The following KLK3 variants were observed in gnomAD, a reference collection of about 807,000 sequenced individuals.
KLK3 encodes the protein kallikrein related peptidase 3.
In KLK3, 23 loss-of-function variants were observed where a neutral mutation model predicts 27.7. The ratio of observed to expected loss-of-function variants is 0.83; its 90% confidence interval spans 0.60 to 1.17. KLK3 has a LOEUF of 1.17. KLK3 is among the 50% of genes most tolerant of loss of function. The pLI, the probability that KLK3 is intolerant of heterozygous loss-of-function variation, is 0.00. For missense variants in KLK3, 322 were observed against 338.1 expected, an observed-to-expected ratio of 0.95 and a Z score of 0.37; for synonymous variants, 142 against 134.2, an observed-to-expected ratio of 1.06 and a Z score of -0.40.
chr19:50,856,831 G>A (rs1061476), intron 2 of KLK3: 68,301 of 163,332 alleles, frequency 0.42, 15,507 homozygotes, highest in East Asian at 0.5. Context: ...TCCCTACTGA[G>A]CACACGCATG....
chr19:50,857,971 C>T (rs536057596), intron 2 of KLK3, 58 bp from the exon 3 acceptor site: 2 of 1,529,644 alleles, frequency 1.3e-6, no homozygotes, highest in African/African-American at 2.7e-5. Flanking sequence ...GCTCCTCTGT[C>T]CCTTCTCTCT....
At chr19:50,858,680 C>A in intron 4 of KLK3, 85 bp downstream of exon 4, 3 of 1,510,438 alleles carry the variant, frequency 2.0e-6, no homozygotes, top group South Asian at 1.2e-5. Flanking sequence ...GCCAACAAGG[C>A]GTCTGCCTCC....
intron 4 of KLK3, 177 bp from the exon 5 acceptor site, chr19:50,859,795 C>A: frequency 6.8e-7 from 1 of 1,466,864 alleles, no homozygotes. Flanking sequence ...GAGCCCCTAC[C>A]CCTCTGTTGG....
intron 4 of KLK3, chr19:50,859,386 C>A: frequency 1.6e-6 from 1 of 616,366 alleles, no homozygotes; most frequent in South Asian, 1.8e-5. Context: ...GGAGGGAGGG[C>A]AGCAGGGATG....
At position 50,856,253 on chromosome 19, in the gene KLK3, C is replaced by T; in HGVS notation, c.60C>T (p.Leu20=). 1.2e-6 allele frequency: 2 copies of T among 1,612,522 alleles called. No homozygotes were observed. The highest frequency in any genetic ancestry group is 1.7e-6 in the Non-Finnish European group (2 of 1,179,786). The change falls in exon 2 of 5, where the codon CTC becomes CTT. Residue 20 remains leucine (L), a synonymous_variant. Coordinates refer to ENST00000326003, the MANE Select transcript of KLK3 (RefSeq NM_001648.2). ...LSVTWIGAAP[L]ILSRIVGGWE... ...CCCCCTCTGCAGGTGCTGCACCCCT[C>T]ATCCTGTCTCGGATTGTGGGAGGCT... is the stretch of plus-strand genomic sequence containing the variant.
rs760447886 is a variant in KLK3 at position 50,858,422 on chromosome 19, G to A, written c.494-37G>A. 1.9e-6 allele frequency: 3 copies of A among 1,613,090 alleles called. No individual in the cohort carries two copies. The South Asian group carries it at 3.3e-5, about 18-fold the overall frequency. ...GGAGGAGGGCCAAGGAACCAGGTGG[G>A]GTCCAGCCCACAACAGTGTTTTTGC... On this transcript the variant is annotated intron_variant, in intron 3 of 4. Transcript: ENST00000326003.
chr19:50,856,118 T>C, intron 1 of KLK3, 122 bp from the exon 2 acceptor site: 1 of 814,534 alleles, frequency 1.2e-6, no homozygotes, highest in Admixed American at 2.3e-5. Flanking sequence ...GTCCCAGGAC[T>C]CCCAGCCTTG....
At position 50,854,936 on chromosome 19, in the gene KLK3, AC is replaced by A; in HGVS notation, c.-17del. 1 of 1,613,448 alleles carries A rather than the reference AC, an allele frequency of 6.2e-7. No homozygotes were observed. The highest frequency in any genetic ancestry group is 8.5e-7 in the Non-Finnish European group (1 of 1,179,766). On this transcript the variant is annotated 5_prime_UTR_variant, in exon 1 of 5. Coordinates refer to ENST00000326003, the MANE Select transcript of KLK3 (RefSeq NM_001648.2). The stretch of plus-strand genomic sequence containing the variant: ...CCCCAGCCCCAAGCTTACCACCTGC[AC>A]CCGGAGAGCTGTGTCACCATGTGGG...
chr19:50,858,638 T>C lies in KLK3; in HGVS notation c.630+43T>C, dbSNP rs2090164971. 3 of 1,610,618 alleles carry C rather than the reference T, an allele frequency of 1.9e-6. No individual in the cohort carries two copies. The African/African-American group carries it at 4.0e-5, about 22-fold the overall frequency. ...CCAAGATCTTGAGGGGAAAGGTGAGTGGGGACCTTAATTCTGGGCTGGGGT... is the reference window on the plus strand; with the variant it reads ...CCAAGATCTTGAGGGGAAAGGTGAGCGGGGACCTTAATTCTGGGCTGGGGT... On this transcript the variant is annotated intron_variant, in intron 4 of 4. Transcript: ENST00000326003.
At chr19:50,857,204 G>GAAA (rs2090155600) in intron 2 of KLK3, among the ~76,000 whole-genome samples, 48 of 145,692 alleles carry the variant, frequency 3.3e-4, no homozygotes, top group African/African-American at 1.2e-3. Context: ...GAAAAGAAAA[G>GAAA]GAAGTGTTTT....
Position 50,859,895 on chromosome 19 carries a change from C to A in KLK3, c.631-77C>A, listed in dbSNP as rs2090173818. 5.2e-6 allele frequency: 8 copies of A among 1,537,752 alleles called. No individual in the cohort carries two copies. The South Asian group carries it at 1.0e-4, about 19-fold the overall frequency. ...GAACTGCTATCTGTTATCTGCCTGT[C>A]CAGGTCTGAAAGATAGGATTGCCCA... On this transcript the variant is annotated intron_variant, in intron 4 of 4. Coordinates refer to ENST00000326003, the MANE Select transcript of KLK3 (RefSeq NM_001648.2).
At chr19:50,857,805 CT>C in intron 2 of KLK3, 11 of 542,880 alleles carry the variant, frequency 2.0e-5, no homozygotes, top group East Asian at 3.1e-5. Flanking sequence ...TACCCTCTTC[CT>C]TTTTCCCTTG....
At chr19:50,857,219 C>T (rs2090155720) in intron 2 of KLK3, among the ~76,000 whole-genome samples, 1 of 149,912 alleles carries the variant, frequency 6.7e-6, no homozygotes, top group African/African-American at 2.4e-5. Flanking sequence ...TGTTTTATCC[C>T]TGATGTGTGT....
At chr19:50,859,556 C>A (rs1333410623) in intron 4 of KLK3, 4 of 1,613,556 alleles carry the variant, frequency 2.5e-6, no homozygotes, top group Non-Finnish European at 3.4e-6. Flanking sequence ...CCGAACTGAC[C>A]ATGCCAGCCC....
chr19:50,859,622 G>T, intron 4 of KLK3: 2 of 1,613,176 alleles, frequency 1.2e-6, no homozygotes, highest in Non-Finnish European at 1.7e-6. Context: ...TCTAGTCAGA[G>T]AGTAGTCCTG....
chr19:50,858,974 T>G, intron 4 of KLK3: 1 of 374,522 alleles, frequency 2.7e-6, no homozygotes, highest in Non-Finnish European at 4.8e-6. Flanking sequence ...CTGGAGGGTG[T>G]CAGGAGGTGA....
Position 50,859,571 on chromosome 19 carries a change from G to A in KLK3, c.631-401G>A, listed in dbSNP as rs371037518. 83 of 1,613,816 alleles carry A rather than the reference G, an allele frequency of 5.1e-5. No individual in the cohort carries two copies. In the Admixed American group the frequency reaches 5.3e-4, roughly 10 times the overall value. On this transcript the variant is annotated intron_variant, in intron 4 of 4. Coordinates refer to ENST00000326003, the MANE Select transcript of KLK3 (RefSeq NM_001648.2). ...CCGAACTGACCATGCCAGCCCTGCCGATGGTCCTCCATGGCTCCCTAGTGC... is the reference window on the plus strand; with the variant it reads ...CCGAACTGACCATGCCAGCCCTGCCAATGGTCCTCCATGGCTCCCTAGTGC...
intron 4 of KLK3, 198 bp from the exon 5 acceptor site, chr19:50,859,774 G>T (rs913042695): frequency 2.7e-6 from 4 of 1,470,712 alleles, no homozygotes; most frequent in Admixed American, 2.4e-5. Flanking sequence ...CTTCCCCACC[G>T]GCCAGGACTG....
At position 50,858,119 on chromosome 19, in the gene KLK3, G is replaced by T. The variant is rs754175332; in HGVS notation, c.297G>T (p.Pro99=). The change falls in exon 3 of 5, where the codon CCG becomes CCT. Residue 99 remains proline (P), a synonymous_variant. Coordinates refer to ENST00000326003, the MANE Select transcript of KLK3 (RefSeq NM_001648.2). ...VFQVSHSFPH[P]LYDMSLLKNR... ...AGGTCAGCCACAGCTTCCCACACCC[G>T]CTCTACGATATGAGCCTCCTGAAGA... 2 of 1,614,006 alleles carry T rather than the reference G, an allele frequency of 1.2e-6. No individual in the cohort carries two copies. Among genetic ancestry groups the T allele is most frequent in the Admixed American group, 1.7e-5 (1 of 60,012 alleles).
Sources: allele counts gnomAD v4.1 joint callset (sites outside exome capture counted in the v4.1 genomes callset), GRCh38; gene constraint gnomAD v4.1.1; transcripts MANE v1.5; gene names NCBI Gene and HGNC (gene_info 2026-07-23, HGNC 2026-07-21).